Variants in RABGGTA observed in about 807,000 individuals in gnomAD.
RABGGTA encodes Rab geranylgeranyltransferase subunit alpha.
A neutral mutation model predicts 83.3 loss-of-function variants in RABGGTA; 69 were observed. That is an observed-to-expected ratio of 0.83 (90% CI 0.68 to 1.01). RABGGTA has a LOEUF of 1.01. RABGGTA is among the 50% of genes least tolerant of loss of function. The pLI is 0.00. For missense variants in RABGGTA, 681 were observed against 712.7 expected (o/e 0.96, Z 0.51); for synonymous variants, 310 against 299.8 (o/e 1.03, Z -0.35).
In RABGGTA at chr14:24,268,514, CT is replaced by C. The variant is rs1566386687; in HGVS notation, c.1005del (p.Gly336AlafsTer56). ...GDVQKECVLL[K>X]GRQEGWCRDS... Reference sequence around the variant, plus strand: ...GGGTGGAGGCTGCAGGTTCCATCACCTTTTAAAAGCACGCATTCTTTCTGGA... The same window carrying C: ...GGGTGGAGGCTGCAGGTTCCATCACCTTTAAAAGCACGCATTCTTTCTGGA... On this transcript the variant is annotated frameshift_variant and splice_region_variant, in exon 10 of 17. Coordinates refer to ENST00000216840, the MANE Select transcript of RABGGTA (RefSeq NM_182836.3). LOFTEE classifies it high-confidence loss of function. 7.4e-6 allele frequency: 12 copies of C among 1,613,894 alleles called. No individual in the cohort carries two copies. The highest frequency in any genetic ancestry group is 1.0e-5 in the Non-Finnish European group (12 of 1,179,792).
Position 24,268,409 on chromosome 14 carries a change from C to T in RABGGTA, c.1018G>A (p.Gly340Ser), listed in dbSNP as rs74877655. ...ECVLLKGRQE[G>S]WCRDSTTDEQ... ...TCTGTCGTGGAGTCCCGGCACCAGC[C>T]CTCCTGGCGGCCTGGGGAAAGAGTA... The change falls in exon 11 of 17, where the codon GGC (glycine) becomes AGC (serine). Residue 340 changes from glycine to serine, a missense_variant. Coordinates refer to ENST00000216840, the MANE Select transcript of RABGGTA (RefSeq NM_182836.3). 7,997 of 1,613,580 alleles carry T rather than the reference C, an allele frequency of 5.0e-3. 21 individuals are homozygous for T. The highest frequency in any genetic ancestry group is 6.1e-3 in the Non-Finnish European group (7,172 of 1,179,892).
chr14:24,266,323 C>T, intron 16 of RABGGTA, 107 bp downstream of exon 16: 1 of 1,041,944 alleles, frequency 9.6e-7, no homozygotes, highest in South Asian at 1.4e-5. Context: ...AGCCCCCTCT[C>T]TCCTGCCCTG....
rs1241418735 is a variant in RABGGTA at position 24,268,716 on chromosome 14, C to T, written c.900+9G>A. The T allele has an allele frequency of 2.5e-6, 4 of 1,602,010 alleles. No homozygotes were observed. The highest frequency in any genetic ancestry group is 3.4e-6 in the Non-Finnish European group (4 of 1,174,236). ...GACCCCAACTTCTGCCCCACCAATC[C>T]TGGGATACCCAGACATGGCTGGGCC... On this transcript the variant is annotated intron_variant, in intron 9 of 16. Transcript: ENST00000216840.
intron 6 of RABGGTA, 43 bp from the exon 7 acceptor site, chr14:24,269,206 G>A (rs1402416106): frequency 3.2e-6 from 5 of 1,545,976 alleles, no homozygotes; most frequent in Non-Finnish European, 4.4e-6. Flanking sequence ...CAGGACACTG[G>A]TGAGCTCCTG....
rs191694051 is a variant in RABGGTA at position 24,268,911 on chromosome 14, T to C, written c.798A>G (p.Leu266=). The C allele has an allele frequency of 2.2e-5, 35 of 1,583,154 alleles. No individual in the cohort carries two copies. The highest frequency in any genetic ancestry group is 1.2e-4 in the East Asian group (5 of 43,342). Residue 266 remains leucine, a splice_region_variant and synonymous_variant, in exon 8 of 17, where the codon TTA becomes TTG. Transcript: ENST00000216840. ...TCTTGACAAAAGCTGCAGGACTCAC[T>C]AAGAGGGGCCGAGAGAAGGAGACAG... ...CLTVSFSRPL[L]VGSRMEILLL...
Position 24,268,207 on chromosome 14 carries a change from G to A in RABGGTA, c.1059-9C>T, listed in dbSNP as rs781610962. 4 of 1,601,862 alleles carry A rather than the reference G, an allele frequency of 2.5e-6. No homozygotes were observed. Among genetic ancestry groups the A allele is most frequent in the East Asian group, 4.5e-5 (2 of 44,794 alleles). ...CCACTGACAGCTCACACCTGAGGGT[G>A]GGCAGGGTGGGGAGGAGTTGAGGCC... On this transcript the variant is annotated splice_polypyrimidine_tract_variant and intron_variant, in intron 11 of 16. Coordinates refer to ENST00000216840, the MANE Select transcript of RABGGTA (RefSeq NM_182836.3).
intron 13 of RABGGTA, 39 bp from the exon 14 acceptor site, chr14:24,267,815 G>C: frequency 6.2e-7 from 1 of 1,608,440 alleles, no homozygotes; most frequent in South Asian, 1.1e-5. Flanking sequence ...CATGTCAGCT[G>C]CCTGCCTCCT....
intron 3 of RABGGTA, 114 bp from the exon 4 acceptor site, chr14:24,270,572 C>T (rs2040935125): frequency 7.3e-7 from 1 of 1,374,444 alleles, no homozygotes; most frequent in Non-Finnish European, 1.0e-6. Flanking sequence ...ACAACAGGTA[C>T]TATGAACCAT....
intron 3 of RABGGTA, 93 bp from the exon 4 acceptor site, chr14:24,270,551 T>A (rs2040934755): frequency 1.3e-6 from 2 of 1,485,242 alleles, no homozygotes; most frequent in African/African-American, 2.8e-5. Context: ...ATTCTGTGAA[T>A]CCCACATTAT....
In RABGGTA at chr14:24,265,747, T is replaced by C. The variant is rs1263482382; in HGVS notation, c.1572A>G (p.Ala524=). Residue 524 remains alanine (A), a synonymous_variant, in exon 17 of 17, where the codon GCA becomes GCG. Transcript: ENST00000216840. ...LLCNNRLQQP[A]VLQPLASCPR... is the part of the protein sequence containing the mutation. ...GGCAGGAGGCAAGAGGCTGGAGCAC[T>C]GCAGGCTGCTGGAGGCCTTGTTCAG... 1 of 1,609,326 alleles carries C rather than the reference T, an allele frequency of 6.2e-7. No individual in the cohort carries two copies. The highest frequency in any genetic ancestry group is 1.3e-5 in the African/African-American group (1 of 74,850).
chr14:24,268,730 C>A lies in RABGGTA; in HGVS notation c.895G>T (p.Val299Phe). The A allele has an allele frequency of 6.3e-7, 1 of 1,597,150 alleles. No individual in the cohort carries two copies. The highest frequency in any genetic ancestry group is 8.5e-7 in the Non-Finnish European group (1 of 1,171,788). The change falls in exon 9 of 17, where the codon GTC (valine) becomes TTC (phenylalanine). Residue 299 changes from valine to phenylalanine, a missense_variant. Transcript: ENST00000216840. ...CCCCACCAATCCTGGGATACCCAGACATGGCTGGGCCGGTTCCTGCCATCT... is the reference window on the plus strand; with the variant it reads ...CCCCACCAATCCTGGGATACCCAGAAATGGCTGGGCCGGTTCCTGCCATCT... ...TPDGRNRPSHVWLCDLPAASL... is the reference protein window; with the variant it reads ...TPDGRNRPSHFWLCDLPAASL...
Position 24,271,144 on chromosome 14 carries a change from A to C in RABGGTA, c.-29T>G. 6.5e-7 allele frequency: 1 copy of C among 1,532,558 alleles called. No individual in the cohort carries two copies. Among genetic ancestry groups the C allele is most frequent in the South Asian group, 1.3e-5 (1 of 78,008 alleles). The allele number at this position is 1,532,558 out of a possible 1,614,324, so 94.9% of individuals were successfully genotyped here. ...GCCGGCTCAGGGTTCAAGACAGGGG[A>C]AGGGTCCAGTGGTAGCCCTTGAAGT... On this transcript the variant is annotated 5_prime_UTR_variant, in exon 2 of 17. Transcript: ENST00000216840.
chr14:24,268,421 C>G lies in RABGGTA; in HGVS notation c.1007-1G>C. The G allele has an allele frequency of 6.2e-7, 1 of 1,613,710 alleles. No individual in the cohort carries two copies. Among genetic ancestry groups the G allele is most frequent in the Non-Finnish European group, 8.5e-7 (1 of 1,179,892 alleles). On this transcript the variant is annotated splice_acceptor_variant, in intron 10 of 16. Coordinates refer to ENST00000216840, the MANE Select transcript of RABGGTA (RefSeq NM_182836.3). LOFTEE classifies it high-confidence loss of function. ...TCCCGGCACCAGCCCTCCTGGCGGC[C>G]TGGGGAAAGAGTAGGTGGTTGGAGG...
Position 24,268,934 on chromosome 14 carries a change from C to G in RABGGTA, c.775G>C (p.Val259Leu). 6.3e-7 allele frequency: 1 copy of G among 1,587,334 alleles called. No homozygotes were observed. Among genetic ancestry groups the G allele is most frequent in the Non-Finnish European group, 8.6e-7 (1 of 1,165,868 alleles). ...HVSRDEACLT[V>L]SFSRPLLVGS... The stretch of plus-strand genomic sequence containing the variant: ...ACTAAGAGGGGCCGAGAGAAGGAGA[C>G]AGTCAGACAGGCCTCGTCCCGGCTC... The change falls in exon 8 of 17, where the codon GTC becomes CTC. Residue 259 changes from valine (V) to leucine (L), a missense_variant. By Grantham distance (32) the Val-to-Leu change is conservative. Transcript: ENST00000216840.
intron 15 of RABGGTA, 21 bp from the exon 16 acceptor site, chr14:24,266,538 G>T: frequency 6.2e-7 from 1 of 1,610,122 alleles, no homozygotes; most frequent in Non-Finnish European, 8.5e-7. Flanking sequence ...GGAGGGCAGG[G>T]AGGCAGGACA....
Position 24,269,847 on chromosome 14 carries a change from A to C in RABGGTA, c.427+106T>G. On this transcript the variant is annotated intron_variant, in intron 5 of 16. Transcript: ENST00000216840. ...CCAACATCCCTTTCAGCACCAGCTC[A>C]GTGGACCCATCCTGGATATCCCTCC... The C allele has an allele frequency of 6.1e-6, 9 of 1,463,880 alleles. No individual in the cohort carries two copies. The South Asian group carries it at 1.0e-4, about 16-fold the overall frequency. The allele number at this position is 1,463,880 out of a possible 1,614,324, so 90.7% of individuals were successfully genotyped here.
chr14:24,269,896 C>A lies in RABGGTA; in HGVS notation c.427+57G>T, dbSNP rs2040923683. 4.4e-6 allele frequency: 7 copies of A among 1,581,508 alleles called. No individual in the cohort carries two copies. In the South Asian group the frequency reaches 4.5e-5, roughly 10 times the overall value. On this transcript the variant is annotated intron_variant, in intron 5 of 16. Coordinates refer to ENST00000216840, the MANE Select transcript of RABGGTA (RefSeq NM_182836.3). ...CCCCATTCTGGGCCTTACTGAGGCCCCAGTACCAGAATGTGGGCAGGTGAG... is the reference window on the plus strand; with the variant it reads ...CCCCATTCTGGGCCTTACTGAGGCCACAGTACCAGAATGTGGGCAGGTGAG...
intron 14 of RABGGTA, among the ~76,000 whole-genome samples, chr14:24,267,134 G>A (rs944607656): frequency 3.3e-5 from 5 of 152,146 alleles, no homozygotes; most frequent in African/African-American, 1.2e-4. Flanking sequence ...CCTGGAGTTC[G>A]GAGGTACAGG....
chr14:24,266,553 C>A (rs775405243), intron 15 of RABGGTA, 36 bp from the exon 16 acceptor site: 1 of 1,594,958 alleles, frequency 6.3e-7, no homozygotes, highest in Non-Finnish European at 8.6e-7. Context: ...AGGACAGGCG[C>A]TGTCAGCCAG....
Sources: allele counts gnomAD v4.1 joint callset (sites outside exome capture counted in the v4.1 genomes callset), GRCh38; gene constraint gnomAD v4.1.1; transcripts MANE v1.5; gene names NCBI Gene and HGNC (gene_info 2026-07-23, HGNC 2026-07-21).